The following MYO3B variants were observed in gnomAD, a reference collection of about 807,000 sequenced individuals.
MYO3B encodes the protein myosin-IIIb.
MYO3B carries 156 observed loss-of-function variants against 174.6 expected under a neutral mutation model. The ratio of observed to expected loss-of-function variants is 0.89; its 90% confidence interval spans 0.78 to 1.02. The LOEUF is 1.02. Among genes scored for constraint, MYO3B ranks in the 50% least tolerant of loss-of-function variants. The pLI, the probability that MYO3B is intolerant of heterozygous loss-of-function variation, is 0.00. For synonymous variants in MYO3B, 563 were observed against 569.1 expected (o/e 0.99, Z 0.15); for missense variants, 1,632 against 1,639.4 (o/e 1.00, Z 0.08).
chr2:170,510,006 T>G (rs1299732561), intron 28 of MYO3B, among the ~76,000 whole-genome samples: 1 of 152,184 alleles, frequency 6.6e-6, no homozygotes, highest in Non-Finnish European at 1.5e-5. Context: ...CCATGAAGTC[T>G]GAATCACCAA....
chr2:170,364,471 G>A (rs1410027694), intron 8 of MYO3B, among the ~76,000 whole-genome samples: 3 of 152,070 alleles, frequency 2.0e-5, no homozygotes, highest in Non-Finnish European at 1.5e-5. Flanking sequence ...CATGTTGGCT[G>A]GCCCCCAATC....
intron 8 of MYO3B, among the ~76,000 whole-genome samples, chr2:170,360,425 C>T (rs112202914): frequency 4.9e-4 from 74 of 152,264 alleles, no homozygotes; most frequent in African/African-American, 1.5e-3. Flanking sequence ...TTTGCTTTTG[C>T]TGAATTGCCA....
At chr2:170,532,761 A>T (rs889924715) in intron 30 of MYO3B, among the ~76,000 whole-genome samples, 24 of 148,586 alleles carry the variant, frequency 1.6e-4, no homozygotes, top group Non-Finnish European at 4.4e-5. Context: ...GGTTGCGGTG[A>T]GCCAAGATTG....
At chr2:170,616,784 C>T (rs183725347) in intron 32 of MYO3B, among the ~76,000 whole-genome samples, 92 of 152,234 alleles carry the variant, frequency 6.0e-4, no homozygotes, top group South Asian at 2.3e-3. Flanking sequence ...ACTTCAGCAC[C>T]GGGTAAAGCA....
chr2:170,597,537 G>T (rs1575221914), intron 32 of MYO3B, among the ~76,000 whole-genome samples: 1 of 152,010 alleles, frequency 6.6e-6, no homozygotes, highest in African/African-American at 2.4e-5. Flanking sequence ...GTCCATGCTG[G>T]GTTCTCAACC....
chr2:170,453,765 A>C (rs1366879247), intron 23 of MYO3B, among the ~76,000 whole-genome samples: 1 of 152,208 alleles, frequency 6.6e-6, no homozygotes, highest in Admixed American at 6.5e-5. Flanking sequence ...CAGTCTAAGC[A>C]AAATACCCGT....
chr2:170,234,197 AC>A (rs1559322122), intron 6 of MYO3B, among the ~76,000 whole-genome samples: 2 of 26,284 alleles, frequency 7.6e-5, no homozygotes, highest in East Asian at 7.0e-4. Context: ...ACAAAACAAA[AC>A]AAAAAAAAAA....
At chr2:170,584,493 T>C (rs1309777323) in intron 32 of MYO3B, among the ~76,000 whole-genome samples, 3 of 152,224 alleles carry the variant, frequency 2.0e-5, no homozygotes, top group African/African-American at 7.2e-5. Context: ...ATGTGGAAAA[T>C]GTATTGCTTG....
In MYO3B at chr2:170,509,544, A is replaced by G. The variant is rs536637127; in HGVS notation, c.3371-5377A>G. ...AAAATAGAATACAACAATAACATGT[A>G]AGAGATTTCAAGTGGTTTTGTTTTT... On this transcript the variant is annotated intron_variant, in intron 28 of 34. Transcript: ENST00000408978. Among the ~76,000 whole-genome samples, 8 of 152,330 alleles carry G rather than the reference A, an allele frequency of 5.3e-5. No individual in the cohort carries two copies. In the South Asian group the frequency reaches 8.3e-4, roughly 16 times the overall value.
At chr2:170,200,627 G>T (rs897186866) in intron 3 of MYO3B, among the ~76,000 whole-genome samples, 6 of 152,112 alleles carry the variant, frequency 3.9e-5, no homozygotes, top group Non-Finnish European at 8.8e-5. Flanking sequence ...TTAACCCAAG[G>T]TTTACTTGGC....
rs1699122883 is a variant in MYO3B, at chr2:170,653,271, A to G, written c.*150A>G. 3 of 884,498 alleles carry G rather than the reference A, an allele frequency of 3.4e-6. No individual in the cohort carries two copies. In the East Asian group the frequency reaches 7.4e-5, roughly 22 times the overall value. The allele number at this position is 884,498 out of a possible 1,614,324, so 54.8% of individuals were successfully genotyped here. The stretch of plus-strand genomic sequence containing the variant: ...CTTACTGAACCACTTGCAGATTCCA[A>G]AACATCTTATCCTATCCTCTACCAC... On this transcript the variant is annotated 3_prime_UTR_variant, in exon 35 of 35. Transcript: ENST00000408978.
At chr2:170,230,659 A>G (rs553000539) in intron 6 of MYO3B, among the ~76,000 whole-genome samples, 8 of 152,318 alleles carry the variant, frequency 5.3e-5, no homozygotes, top group Non-Finnish European at 1.0e-4. Flanking sequence ...TCTTTCTATT[A>G]TAGAAATAAT....
chr2:170,461,466 C>CA (rs1178003357), intron 23 of MYO3B, among the ~76,000 whole-genome samples: 695 of 41,692 alleles, frequency 0.017, 4 homozygotes, highest in East Asian at 0.033. Flanking sequence ...AACTCAGTCT[C>CA]AAAAAAAAAA....
intron 32 of MYO3B, among the ~76,000 whole-genome samples, chr2:170,555,255 T>G (rs1559111496): frequency 6.6e-6 from 1 of 152,200 alleles, no homozygotes; most frequent in East Asian, 1.9e-4. Context: ...TTATTACAAT[T>G]GATGAGCCCA....
chr2:170,233,345 C>T (rs1237116127), intron 6 of MYO3B, among the ~76,000 whole-genome samples: 1 of 152,232 alleles, frequency 6.6e-6, no homozygotes, highest in Admixed American at 6.5e-5. Flanking sequence ...TTATTTCTCT[C>T]TCCCTCACAG....
At chr2:170,395,626 A>G (rs759313592) in intron 16 of MYO3B, among the ~76,000 whole-genome samples, 25 of 152,184 alleles carry the variant, frequency 1.6e-4, no homozygotes, top group Non-Finnish European at 4.4e-5. Context: ...ATTGACTTTT[A>G]AGATGACAAA....
chr2:170,190,365 T>G (rs75106798), intron 1 of MYO3B, among the ~76,000 whole-genome samples: 1,775 of 152,210 alleles, frequency 0.012, 18 homozygotes, highest in Non-Finnish European at 0.017. Flanking sequence ...ACTGCCTACA[T>G]TTACTCAAGG....
intron 13 of MYO3B, among the ~76,000 whole-genome samples, chr2:170,386,515 T>C (rs1033224663): frequency 2.0e-4 from 30 of 152,192 alleles, no homozygotes; most frequent in African/African-American, 6.3e-4. Context: ...AATTTTCATG[T>C]TTTCAATGTA....
intron 25 of MYO3B, among the ~76,000 whole-genome samples, chr2:170,481,000 C>T (rs1236153254): frequency 6.6e-6 from 1 of 152,118 alleles, no homozygotes; most frequent in Non-Finnish European, 1.5e-5. Context: ...CTTATTAAGC[C>T]CTAAGGTTAG....
Sources: gnomAD v4.1 joint callset for allele counts (sites outside exome capture counted in the v4.1 genomes callset) on GRCh38, gnomAD v4.1.1 for gene constraint, MANE v1.5 for transcripts, NCBI Gene and HGNC (gene_info 2026-07-23, HGNC 2026-07-21) for gene names.